Variants in CCZ1B observed in about 807,000 individuals in gnomAD.
CCZ1B encodes vacuolar fusion protein CCZ1 homolog B.
In CCZ1B, 25 loss-of-function variants were observed where a neutral mutation model predicts 58.8. The observed-to-expected ratio is 0.43, with a 90% CI of 0.31 to 0.59. The LOEUF (loss-of-function observed/expected upper bound fraction) is 0.59. Among genes scored for constraint, CCZ1B ranks in the 20% least tolerant of loss-of-function variants. The pLI is 0.12. For synonymous variants in CCZ1B, 66 were observed against 173.2 expected (o/e 0.38, Z 4.86); for missense variants, 180 against 501.5 (o/e 0.36, Z 6.12).
intron 10 of CCZ1B, among the ~76,000 whole-genome samples, chr7:6,808,401 AAAAAC>A (rs1180724974): frequency 7.2e-6 from 1 of 138,638 alleles, no homozygotes; most frequent in Non-Finnish European, 1.6e-5. Context: ...AAAAAAAACA[AAAAAC>A]AAAACAAAAA....
At chr7:6,822,834 T>C (rs1783133281) in intron 5 of CCZ1B, among the ~76,000 whole-genome samples, 1 of 144,556 alleles carries the variant, frequency 6.9e-6, no homozygotes, top group Non-Finnish European at 1.5e-5. Flanking sequence ...CCCAGGTAGC[T>C]GGGACTACAG....
rs201157813 is a variant in CCZ1B at position 6,822,322 on chromosome 7, C to T, written c.481G>A (p.Val161Ile). 54 of 1,591,012 alleles carry T rather than the reference C, an allele frequency of 3.4e-5. 1 individual carries two copies. Among genetic ancestry groups the T allele is most frequent in the South Asian group, 2.4e-4 (21 of 86,516 alleles). The change falls in exon 6 of 15, where the codon GTC (valine) becomes ATC (isoleucine). Residue 161 changes from valine to isoleucine, a missense_variant. By Grantham distance (29) the Val-to-Ile change is conservative. Coordinates refer to ENST00000316731, the MANE Select transcript of CCZ1B (RefSeq NM_198097.5). ...TFLKAMEDGG[V>I]KLLKERLEKF... ...TCTAATCTTTCTTTCAGAAGCTTGA[C>T]GCCTCCGTCTTCCATGGCTTTCAGA...
At chr7:6,811,664 G>A (rs1782918927) in intron 10 of CCZ1B, 1 of 342,120 alleles carries the variant, frequency 2.9e-6, no homozygotes, top group East Asian at 6.2e-5. Context: ...TCGAGAACAG[G>A]CAGCACCAAC....
At chr7:6,818,190 G>C (rs564159785) in intron 7 of CCZ1B, among the ~76,000 whole-genome samples, 1 of 149,690 alleles carries the variant, frequency 6.7e-6, no homozygotes, top group South Asian at 2.1e-4. Flanking sequence ...AGGGGAACTA[G>C]TTTTGCCTTT....
At chr7:6,825,125 G>C (rs1352613276) in intron 1 of CCZ1B, among the ~76,000 whole-genome samples, 1 of 150,348 alleles carries the variant, frequency 6.7e-6, no homozygotes, top group Non-Finnish European at 1.5e-5. Flanking sequence ...TTCTTTCCTA[G>C]TGCTAATTTG....
intron 6 of CCZ1B, among the ~76,000 whole-genome samples, 200 bp from the exon 7 acceptor site, chr7:6,820,141 C>CA (rs71010918): frequency 0.49 from 71,847 of 148,020 alleles, 18,493 homozygotes; most frequent in South Asian, 0.8. Context: ...AAAGTTCAAA[C>CA]TATCTACTTA....
At chr7:6,810,252 A>G (rs1458573976) in intron 10 of CCZ1B, among the ~76,000 whole-genome samples, 1 of 149,600 alleles carries the variant, frequency 6.7e-6, no homozygotes, top group Admixed American at 6.6e-5. Context: ...ACCTCAGGTG[A>G]TCCGCCCACC....
chr7:6,804,477 C>T (rs1168399188), intron 12 of CCZ1B, among the ~76,000 whole-genome samples: 1 of 117,770 alleles, frequency 8.5e-6, no homozygotes, highest in African/African-American at 3.3e-5. Context: ...TCTAGAGAGC[C>T]GGAGGAGTGA....
chr7:6,820,067 A>C lies in CCZ1B; in HGVS notation c.523-126T>G, dbSNP rs983102777. ...ACAATTACATACTAGCAAACAGCAC[A>C]ACAATGAGGCCGTGGTGAAGACATG... is the stretch of plus-strand genomic sequence containing the variant. On this transcript the variant is annotated intron_variant, in intron 6 of 14. Transcript: ENST00000316731. 95 of 1,355,118 alleles carry C rather than the reference A, an allele frequency of 7.0e-5. 2 individuals carry two copies. Among genetic ancestry groups the C allele is most frequent in the Non-Finnish European group, 9.5e-5 (93 of 975,458 alleles). 83.9% of individuals were successfully genotyped at this position (1,355,118 alleles called of 1,614,324 possible).
Position 6,801,225 on chromosome 7 carries a change from A to C in CCZ1B, c.1265+140T>G. ...GCCGCGCGAGGGAACCGGTGACTTC[A>C]GGGCTCCCGGGTCTGTTTGGAAGCG... On this transcript the variant is annotated intron_variant, in intron 13 of 14. Transcript: ENST00000316731. 7.9e-6 allele frequency: 3 copies of C among 377,684 alleles called. 1 individual carries two copies. The South Asian group carries it at 1.4e-4, about 18-fold the overall frequency. 23.4% of individuals were successfully genotyped at this position (377,684 alleles called of 1,614,324 possible). A position where few individuals can be genotyped will look rare whatever the true frequency, so the allele number is the denominator to read the frequency against.
At chr7:6,804,124 A>G (rs1294939131) in intron 12 of CCZ1B, among the ~76,000 whole-genome samples, 1 of 150,616 alleles carries the variant, frequency 6.6e-6, no homozygotes, top group Non-Finnish European at 1.5e-5. Flanking sequence ...ACTATTTTAT[A>G]TTGAGAAAAG....
intron 8 of CCZ1B, among the ~76,000 whole-genome samples, chr7:6,814,001 C>T (rs902560801): frequency 1.4e-5 from 2 of 147,082 alleles, no homozygotes; most frequent in Middle Eastern, 3.6e-3. Context: ...TAAAAATTAG[C>T]CAGGCATGGT....
intron 7 of CCZ1B, among the ~76,000 whole-genome samples, chr7:6,817,947 CA>C (rs1243624784): frequency 6.8e-6 from 1 of 146,710 alleles, no homozygotes; most frequent in African/African-American, 2.6e-5. Flanking sequence ...GGGGTTGCAG[CA>C]AGCCAAGATC....
At chr7:6,814,419 C>G (rs1266923147) in intron 8 of CCZ1B, among the ~76,000 whole-genome samples, 1 of 149,376 alleles carries the variant, frequency 6.7e-6, no homozygotes, top group East Asian at 1.9e-4. Flanking sequence ...GCCTGTAATC[C>G]CAGGTACTAG....
At chr7:6,814,590 G>T in intron 8 of CCZ1B, 174 bp downstream of exon 8, 1 of 491,032 alleles carries the variant, frequency 2.0e-6, no homozygotes, top group Non-Finnish European at 3.7e-6. Flanking sequence ...ACATACTGGA[G>T]GAGAGCTGCA....
At chr7:6,820,579 G>A (rs546924136) in intron 6 of CCZ1B, among the ~76,000 whole-genome samples, 1 of 148,232 alleles carries the variant, frequency 6.7e-6, no homozygotes, top group East Asian at 2.0e-4. Flanking sequence ...GCATCCCAAA[G>A]CGCTGGGAAT....
In CCZ1B at chr7:6,818,608, AAAGAAAGAC is replaced by A. The variant is rs796145719; in HGVS notation, c.698+1149_698+1157del. On this transcript the variant is annotated intron_variant, in intron 7 of 14. Transcript: ENST00000316731. ...GAAAGACAGACAGAAAGAAAGAAAG[AAAGAAAGAC>A]AAGAAAGAAAGAAAGACAAGAAAGA... is the stretch of plus-strand genomic sequence containing the variant. Among the ~76,000 whole-genome samples, 219 of 137,294 alleles carry A rather than the reference AAAGAAAGAC, an allele frequency of 1.6e-3. 4 individuals are homozygous for A. The highest frequency in any genetic ancestry group is 3.7e-3 in the African/African-American group (132 of 35,306). 90.1% of individuals were successfully genotyped at this position (137,294 alleles called of 152,430 possible). A position where few individuals can be genotyped will look rare whatever the true frequency, so the allele number is the denominator to read the frequency against.
chr7:6,811,191 ACCT>A (rs1390296145), intron 10 of CCZ1B, among the ~76,000 whole-genome samples: 1 of 149,390 alleles, frequency 6.7e-6, no homozygotes, highest in African/African-American at 2.5e-5. Flanking sequence ...TCCTCAGGTG[ACCT>A]CCTCCAAGTC....
At chr7:6,821,432 G>T (rs1349217294) in intron 6 of CCZ1B, among the ~76,000 whole-genome samples, 1 of 152,308 alleles carries the variant, frequency 6.6e-6, no homozygotes, top group Non-Finnish European at 1.5e-5. Context: ...GATAATATGC[G>T]AGTGGATAAT....
Sources: gnomAD v4.1 joint callset for allele counts (sites outside exome capture counted in the v4.1 genomes callset) on GRCh38, gnomAD v4.1.1 for gene constraint, MANE v1.5 for transcripts, NCBI Gene and HGNC (gene_info 2026-07-23, HGNC 2026-07-21) for gene names.